Variants in DCC observed in about 807,000 individuals in gnomAD.
The protein encoded by DCC is netrin receptor DCC.
Under a neutral mutation model 172.5 loss-of-function variants are expected in DCC, and 58 were observed. The observed-to-expected ratio is 0.34, with a 90% CI of 0.27 to 0.42. The LOEUF is 0.42. Ranked by LOEUF, DCC falls within the 10% of genes least tolerant of loss-of-function variation. The pLI is 1.00. For missense variants in DCC, 1,740 were observed against 1,791.0 expected (o/e 0.97, Z 0.51); for synonymous variants, 709 against 644.5 (o/e 1.10, Z -1.52).
chr18:53,090,675 C>G (rs926894561), intron 7 of DCC, among the ~76,000 whole-genome samples: 1 of 95,554 alleles, frequency 1.0e-5, no homozygotes, highest in Non-Finnish European at 2.0e-5. Flanking sequence ...GCCTGGGTGA[C>G]AGAGCGAAAC....
intron 12 of DCC, among the ~76,000 whole-genome samples, chr18:53,277,930 G>A (rs1036234038): frequency 6.6e-6 from 1 of 152,110 alleles, no homozygotes; most frequent in Non-Finnish European, 1.5e-5. Context: ...CCTGGGTCTT[G>A]GCTGAAATGA....
At chr18:52,427,301 C>T (rs994796783) in intron 1 of DCC, among the ~76,000 whole-genome samples, 24 of 152,066 alleles carry the variant, frequency 1.6e-4, no homozygotes, top group African/African-American at 5.1e-4. Flanking sequence ...ATCAATATAT[C>T]CCTTTCCCCT....
At chr18:52,708,105 C>T (rs1459009682) in intron 1 of DCC, among the ~76,000 whole-genome samples, 1 of 151,988 alleles carries the variant, frequency 6.6e-6, no homozygotes, top group Admixed American at 6.6e-5. Flanking sequence ...ATGTTGTATG[C>T]CATAAACATA....
intron 1 of DCC, among the ~76,000 whole-genome samples, chr18:52,656,004 A>ATATATATATGTGTATATATATGTGCG (rs2035238860): frequency 1.0e-5 from 1 of 99,954 alleles, no homozygotes; most frequent in African/African-American, 3.6e-5. Context: ...ATATGTGCGT[A>ATATATATATGTGTATATATATGTGCG]TATATATATG....
intron 1 of DCC, among the ~76,000 whole-genome samples, chr18:52,528,991 C>T (rs527312996): frequency 6.6e-6 from 1 of 152,208 alleles, no homozygotes; most frequent in East Asian, 1.9e-4. Flanking sequence ...CCCCCTAGTG[C>T]CAATCTATAG....
intron 1 of DCC, among the ~76,000 whole-genome samples, chr18:52,485,838 C>A (rs4940183): frequency 0.057 from 8,720 of 152,056 alleles, 311 homozygotes; most frequent in South Asian, 0.12. Flanking sequence ...GGAATATGAT[C>A]TGTGAAATTA....
intron 2 of DCC, among the ~76,000 whole-genome samples, chr18:52,790,852 A>G (rs1386284634): frequency 6.6e-6 from 1 of 152,208 alleles, no homozygotes; most frequent in Non-Finnish European, 1.5e-5. Flanking sequence ...ATGAGAAGTC[A>G]AATATCTGAG....
intron 1 of DCC, among the ~76,000 whole-genome samples, chr18:52,657,661 C>A (rs1323512310): frequency 6.6e-6 from 1 of 152,078 alleles, no homozygotes; most frequent in African/African-American, 2.4e-5. Context: ...CACTGAGAAG[C>A]CAAGAGATGC....
chr18:53,161,560 A>G (rs978631383), intron 8 of DCC, among the ~76,000 whole-genome samples: 1 of 152,108 alleles, frequency 6.6e-6, no homozygotes, highest in South Asian at 2.1e-4. Flanking sequence ...TTTACCTGCA[A>G]TCCATACTCA....
chr18:53,337,766 C>T (rs1053110440), intron 14 of DCC, among the ~76,000 whole-genome samples: 2 of 152,190 alleles, frequency 1.3e-5, no homozygotes, highest in Non-Finnish European at 2.9e-5. Context: ...GAACATGCTT[C>T]TATCTATCAC....
At chr18:53,483,156 TG>T (rs2045857161) in intron 25 of DCC, among the ~76,000 whole-genome samples, 1 of 151,982 alleles carries the variant, frequency 6.6e-6, no homozygotes, top group African/African-American at 2.4e-5. Context: ...GGCTGGTATC[TG>T]GTTTGAATCT....
intron 2 of DCC, among the ~76,000 whole-genome samples, chr18:52,881,173 T>A (rs1240583693): frequency 6.6e-6 from 1 of 152,184 alleles, no homozygotes; most frequent in East Asian, 1.9e-4. Flanking sequence ...AAATGTTTAT[T>A]CAAATCTTTT....
intron 3 of DCC, among the ~76,000 whole-genome samples, chr18:52,907,823 C>T (rs1256408017): frequency 6.6e-6 from 1 of 152,138 alleles, no homozygotes; most frequent in East Asian, 1.9e-4. Context: ...GAGCCTGGCC[C>T]ATTAGAGTTC....
At chr18:53,439,187 T>C (rs1436271621) in intron 22 of DCC, among the ~76,000 whole-genome samples, 2 of 152,210 alleles carry the variant, frequency 1.3e-5, no homozygotes, top group East Asian at 3.8e-4. Context: ...AAGTATATAA[T>C]ATAACTTTAG....
rs2039880935 is a variant in DCC at position 52,906,286 on chromosome 18, A to G, written c.655A>G (p.Ser219Gly). ...CCGATGCTCAGCTCGAAATCCAGCC[A>G]GCTCAAGAACAGGAAATGAAGCAGA... ...IYRCSARNPASSRTGNEAEVR... is the reference protein window; with the variant it reads ...IYRCSARNPAGSRTGNEAEVR... Residue 219 changes from serine (S) to glycine (G), a missense_variant, in exon 3 of 29, where the codon AGC (serine) becomes GGC (glycine). Around this residue, in one of 2 missense-constraint regions of DCC, gnomAD observed 1,732 missense variants for 1,767.4 expected, o/e 0.98. Transcript: ENST00000442544. The G allele has an allele frequency of 1.9e-6, 3 of 1,613,968 alleles. No individual in the cohort carries two copies. Among genetic ancestry groups the G allele is most frequent in the Non-Finnish European group, 1.7e-6 (2 of 1,180,042 alleles).
intron 2 of DCC, among the ~76,000 whole-genome samples, chr18:52,896,688 G>A (rs960610840): frequency 1.3e-5 from 2 of 152,162 alleles, no homozygotes; most frequent in African/African-American, 4.8e-5. Flanking sequence ...CTAGAACAAT[G>A]CTTCCCAAAA....
chr18:52,563,374 C>T (rs2033083757), intron 1 of DCC, among the ~76,000 whole-genome samples: 1 of 152,130 alleles, frequency 6.6e-6, no homozygotes, highest in Non-Finnish European at 1.5e-5. Flanking sequence ...TTTTTAAACA[C>T]TAATTGACAC....
intron 7 of DCC, among the ~76,000 whole-genome samples, chr18:53,137,538 C>T (rs1009445954): frequency 6.6e-6 from 1 of 152,104 alleles, no homozygotes; most frequent in Non-Finnish European, 1.5e-5. Flanking sequence ...AAGGTAACCA[C>T]CTTTGCCATG....
intron 1 of DCC, among the ~76,000 whole-genome samples, chr18:52,750,663 C>A (rs1335312861): frequency 6.6e-6 from 1 of 152,010 alleles, no homozygotes; most frequent in Non-Finnish European, 1.5e-5. Context: ...CAGGGAGAAA[C>A]CGTAAGAAGC....
Sources: gnomAD v4.1 joint callset for allele counts (sites outside exome capture counted in the v4.1 genomes callset) on GRCh38, gnomAD v4.1.1 for gene constraint, gnomAD v4.1.1 regional missense constraint, MANE v1.5 for transcripts, NCBI Gene and HGNC (gene_info 2026-07-23, HGNC 2026-07-21) for gene names.